NUMA1: variants seen among roughly 807,000 people sequenced by gnomAD.
NUMA1 encodes the protein nuclear mitotic apparatus protein 1, also known as SP-H antigen.
Under a neutral mutation model 237.1 loss-of-function variants are expected in NUMA1, and 62 were observed. The ratio of observed to expected loss-of-function variants is 0.26; its 90% CI spans 0.21 to 0.32. NUMA1 has a LOEUF of 0.32. NUMA1 is among the 10% of genes least tolerant of loss of function. The probability of loss-of-function intolerance (pLI) is 1.00; values close to 1 mark genes in which losing one functional copy is unlikely to be tolerated. For missense variants in NUMA1, 2,533 were observed against 2,666.5 expected (o/e 0.95, Z 1.10); for synonymous variants, 1,028 against 1,066.1 (o/e 0.96, Z 0.70).
intron 2 of NUMA1, among the ~76,000 whole-genome samples, chr11:72,061,909 C>T (rs78765335): frequency 0.03 from 4,611 of 152,204 alleles, 64 homozygotes; most frequent in East Asian, 0.073. Context: ...CTAAACACCC[C>T]CAACAAACAC....
Position 72,012,929 on chromosome 11 carries a change from C to A in NUMA1, c.4574G>T (p.Arg1525Leu). 1.2e-6 allele frequency: 2 copies of A among 1,614,108 alleles called. No individual in the cohort carries two copies. Among genetic ancestry groups the A allele is most frequent in the Non-Finnish European group, 1.7e-6 (2 of 1,179,994 alleles). ...GAGTTTCTGCCTCTCTTCCTGGAAC[C>A]GCTGCCTCTCCTCCAGGACCTTGAC... The part of the protein sequence containing the change: ...AKVKVLEERQ[R>L]FQEERQKLTA... The change falls in exon 15 of 27, where the codon CGG becomes CTG. Residue 1525 changes from arginine to leucine, a missense_variant. Around this residue, in one of 3 missense-constraint regions of NUMA1, gnomAD observed 324 missense variants for 407.6 expected, o/e 0.79. Transcript: ENST00000393695.
intron 3 of NUMA1, among the ~76,000 whole-genome samples, chr11:72,033,403 A>C (rs1590987526): frequency 7.0e-6 from 1 of 143,284 alleles, no homozygotes; most frequent in African/African-American, 2.7e-5. Context: ...ACAGGCTTTC[A>C]CTCTATTGTC....
At chr11:72,012,463 A>T in intron 15 of NUMA1, 21 bp from the exon 16 acceptor site, 20 of 1,610,400 alleles carry the variant, frequency 1.2e-5, no homozygotes, top group Non-Finnish European at 1.5e-5. Context: ...GGGAGGAGCA[A>T]CAGAGACAGA....
At chr11:72,040,838 T>C (rs759767469) in intron 2 of NUMA1, 1 of 152,008 alleles carries the variant, frequency 6.6e-6, no homozygotes, top group Non-Finnish European at 1.5e-5. Flanking sequence ...CCCTCCCCTT[T>C]AAGGATGGCG....
In NUMA1 at chr11:72,018,401, A is replaced by G; in HGVS notation, c.855T>C (p.Asn285=). The change falls in exon 11 of 27, where the codon AAT becomes AAC. Residue 285 remains asparagine (N), a synonymous_variant. Coordinates refer to ENST00000393695, the MANE Select transcript of NUMA1 (RefSeq NM_006185.4). The stretch of plus-strand genomic sequence containing the variant: ...GAATGCAGGGAGAGCTGTACCTCTC[A>G]TTCTTGTCACGCAGCTCCTCAAGCT... The part of the protein sequence containing the change: ...PKELEELRDK[N]ESLTMRLHET... 6.2e-7 allele frequency: 1 copy of G among 1,613,816 alleles called. No homozygotes were observed. Among genetic ancestry groups the G allele is most frequent in the Non-Finnish European group, 8.5e-7 (1 of 1,179,740 alleles).
intron 7 of NUMA1, 109 bp downstream of exon 7, chr11:72,022,230 A>AT (rs763854204): frequency 3.0e-4 from 189 of 636,108 alleles, no homozygotes; most frequent in Non-Finnish European, 3.9e-4. Flanking sequence ...AATAATTGCT[A>AT]TAACTGTATT....
At position 72,013,114 on chromosome 11, in the gene NUMA1, C is replaced by T. The variant is rs1217144209; in HGVS notation, c.4389G>A (p.Gln1463=). ...CCTGGTCCAACTCCACTTCCAGAAA[C>T]TGCCGGCCAAGGTTGGCCCGCTCAC... ...GLGERANLGR[Q]FLEVELDQAR... The change falls in exon 15 of 27, where the codon CAG becomes CAA. Residue 1463 remains glutamine (Q), a synonymous_variant. Transcript: ENST00000393695. This position sits in a 1 kb window ranked among gnomAD's most constrained non-coding sequence, Gnocchi z 6.8. 2 of 1,614,204 alleles carry T rather than the reference C, an allele frequency of 1.2e-6. No individual in the cohort carries two copies. The highest frequency in any genetic ancestry group is 2.2e-5 in the South Asian group (2 of 91,090).
At chr11:72,046,601 G>C (rs1490135260) in intron 2 of NUMA1, among the ~76,000 whole-genome samples, 1 of 151,814 alleles carries the variant, frequency 6.6e-6, no homozygotes, top group Non-Finnish European at 1.5e-5. Context: ...GAGGGAGAGA[G>C]AGAGAGAGAG....
In NUMA1 at chr11:72,015,374, G is replaced by A. The variant is rs1290455590; in HGVS notation, c.2129C>T (p.Ser710Phe). Reference sequence around the variant, plus strand: ...AAGGCTGCCCTTGGTGACCTTCAAGGACTCTTTGAGGGCCTGGAGCTGCTC... The same window carrying A: ...AAGGCTGCCCTTGGTGACCTTCAAGAACTCTTTGAGGGCCTGGAGCTGCTC... ...LQEQLQALKE[S>F]LKVTKGSLEE... is the part of the protein sequence containing the mutation. Residue 710 changes from serine to phenylalanine, a missense_variant, in exon 15 of 27, where the codon TCC becomes TTC. Ser to Phe is a radical substitution (Grantham distance 155). This residue lies in a region of NUMA1 where 1,414 missense variants were observed against 1,508.1 expected (regional missense o/e 0.94). Transcript: ENST00000393695. This position sits in a 1 kb window ranked among gnomAD's most constrained non-coding sequence, Gnocchi z 4.0. The A allele has an allele frequency of 6.2e-7, 1 of 1,612,462 alleles. No individual in the cohort carries two copies. The highest frequency in any genetic ancestry group is 8.5e-7 in the Non-Finnish European group (1 of 1,180,028).
intron 4 of NUMA1, 81 bp from the exon 5 acceptor site, chr11:72,024,434 T>A: frequency 8.4e-7 from 1 of 1,184,152 alleles, no homozygotes; most frequent in Admixed American, 1.7e-5. Context: ...TACCTCCCCA[T>A]TCCTTCCAGT....
intron 2 of NUMA1, chr11:72,065,879 G>C (rs1041432858): frequency 1.3e-5 from 2 of 152,158 alleles, no homozygotes; most frequent in African/African-American, 4.8e-5. Context: ...CTTGCTTTTG[G>C]AGTTGTTTTA....
intron 2 of NUMA1, among the ~76,000 whole-genome samples, chr11:72,069,093 T>C (rs1404869584): frequency 1.3e-5 from 2 of 152,214 alleles, no homozygotes; most frequent in African/African-American, 2.4e-5. Flanking sequence ...ACAATTACTT[T>C]GAAGGGGTCA....
chr11:72,073,407 C>T (rs1036758458), intron 1 of NUMA1, among the ~76,000 whole-genome samples: 4 of 151,530 alleles, frequency 2.6e-5, no homozygotes, highest in South Asian at 2.1e-4. Context: ...CTACCCAAAA[C>T]ATCAATGCAG....
chr11:72,056,635 TAAAA>T lies in NUMA1; in HGVS notation c.-33+13203_-33+13206del, dbSNP rs59248999. On this transcript the variant is annotated intron_variant, in intron 2 of 26. Transcript: ENST00000393695. Reference sequence around the variant, plus strand: ...GCGCCTGACCAAGATCCCATCTCTTTAAAAAAAAAAAAAAAAAAAAAAAAAGGCA... The same window carrying T: ...GCGCCTGACCAAGATCCCATCTCTTTAAAAAAAAAAAAAAAAAAAAAGGCA... Among the ~76,000 whole-genome samples, 57 of 76,000 alleles carry T rather than the reference TAAAA, an allele frequency of 7.5e-4. 1 individual carries two copies. Among genetic ancestry groups the T allele is most frequent in the African/African-American group, 2.3e-3 (36 of 15,426 alleles). The allele number at this position is 76,000 out of a possible 152,430, so 49.9% of individuals were successfully genotyped here.
chr11:72,014,548 C>A lies in NUMA1; in HGVS notation c.2955G>T (p.Arg985=), dbSNP rs1201452725. ...EQMGNELERL[R]AALMESQGQQ... is the part of the protein sequence containing the mutation. Reference sequence around the variant, plus strand: ...GCCCCTGGCTCTCCATCAGCGCGGCCCGCAGCCGTTCCAGCTCATTGCCCA... The same window carrying A: ...GCCCCTGGCTCTCCATCAGCGCGGCACGCAGCCGTTCCAGCTCATTGCCCA... The change falls in exon 15 of 27, where the codon CGG becomes CGT. Residue 985 remains arginine (R), a synonymous_variant. Coordinates refer to ENST00000393695, the MANE Select transcript of NUMA1 (RefSeq NM_006185.4). This position sits in a 1 kb window ranked among gnomAD's most constrained non-coding sequence, Gnocchi z 4.6. 2.5e-6 allele frequency: 4 copies of A among 1,602,590 alleles called. No homozygotes were observed. Among genetic ancestry groups the A allele is most frequent in the Non-Finnish European group, 2.5e-6 (3 of 1,179,976 alleles).
chr11:72,004,381 G>A, intron 24 of NUMA1, 40 bp from the exon 25 acceptor site: 2 of 1,561,388 alleles, frequency 1.3e-6, no homozygotes, highest in Non-Finnish European at 1.8e-6. Flanking sequence ...GTAGCAAGAG[G>A]AGTCACATCT....
chr11:72,007,467 CT>C, intron 20 of NUMA1, 32 bp from the exon 21 acceptor site: 1 of 1,609,864 alleles, frequency 6.2e-7, no homozygotes, highest in Non-Finnish European at 8.5e-7. Context: ...AGGTACAGTC[CT>C]TCACGCTAGA....
At chr11:72,069,069 T>C (rs1255741101) in intron 2 of NUMA1, among the ~76,000 whole-genome samples, 3 of 152,214 alleles carry the variant, frequency 2.0e-5, no homozygotes, top group Admixed American at 6.5e-5. Context: ...AAAGGAAATC[T>C]AAAGGCTGAG....
chr11:72,008,698 T>C lies in NUMA1; in HGVS notation c.5206A>G (p.Ser1736Gly). ...AGGCTGCCTCCTGACCTGGTGATACTGAGTGGGGTCCCCTCCTCGCAGCTC... is the reference window on the plus strand; with the variant it reads ...AGGCTGCCTCCTGACCTGGTGATACCGAGTGGGGTCCCCTCCTCGCAGCTC... ...DLSCEEGTPL[S>G]ITSKLPRTQP... The change falls in exon 20 of 27, where the codon AGT becomes GGT. Residue 1736 changes from serine (S) to glycine (G), a missense_variant. Transcript: ENST00000393695. 1.2e-6 allele frequency: 2 copies of C among 1,614,172 alleles called. No individual in the cohort carries two copies. The highest frequency in any genetic ancestry group is 2.2e-5 in the East Asian group (1 of 44,894).
Sources: allele counts gnomAD v4.1 joint callset (sites outside exome capture counted in the v4.1 genomes callset), GRCh38; gene constraint gnomAD v4.1.1; regional missense constraint gnomAD v4.1.1; non-coding constraint Gnocchi (gnomAD v3.1); transcripts MANE v1.5; gene names NCBI Gene and HGNC (gene_info 2026-07-23, HGNC 2026-07-21).